Variants in HIPK2 observed in about 807,000 individuals in gnomAD.
HIPK2 encodes the protein homeodomain interacting protein kinase 2, also known as homeodomain-interacting protein kinase 2.
Under a neutral mutation model 113.7 loss-of-function variants are expected in HIPK2, and 27 were observed. The ratio of observed to expected loss-of-function variants is 0.24; its 90% CI spans 0.17 to 0.33. The LOEUF (loss-of-function observed/expected upper bound fraction) is 0.33. HIPK2 is among the 10% of genes least tolerant of loss of function. The pLI is 1.00. For missense variants in HIPK2, 1,257 were observed against 1,588.0 expected (o/e 0.79, Z 3.54); for synonymous variants, 631 against 642.2 (o/e 0.98, Z 0.26).
At chr7:139,670,751 C>CTTTTTTTTTTTTTTTTTTTTTTTTT (rs1802244998) in intron 2 of HIPK2, among the ~76,000 whole-genome samples, 1 of 58,986 alleles carries the variant, frequency 1.7e-5, no homozygotes, top group African/African-American at 5.4e-5. Context: ...TTCTTTCTTT[C>CTTTTTTTTTTTTTTTTTTTTTTTTT]TTTCTTTCTT....
At chr7:139,637,402 C>T (rs1800849404) in intron 2 of HIPK2, among the ~76,000 whole-genome samples, 1 of 152,236 alleles carries the variant, frequency 6.6e-6, no homozygotes, top group Non-Finnish European at 1.5e-5. Flanking sequence ...GTTGCAGGCC[C>T]GTTGGTTTCC....
Position 139,777,741 on chromosome 7 carries a change from A to C in HIPK2, c.-118T>G. 2.2e-6 allele frequency: 2 copies of C among 920,298 alleles called. No homozygotes were observed. The highest frequency in any genetic ancestry group is 2.6e-6 in the Non-Finnish European group (2 of 768,776). 57.0% of individuals were successfully genotyped at this position (920,298 alleles called of 1,614,324 possible). The stretch of plus-strand genomic sequence containing the variant: ...GAGCCTGTGTCTCCGCTCTCGGCGC[A>C]GCCGAGGCCGCCCGCGCCCGCATCA... On this transcript the variant is annotated 5_prime_UTR_variant, in exon 1 of 15. Transcript: ENST00000406875.
At chr7:139,659,154 A>G (rs1051534765) in intron 2 of HIPK2, among the ~76,000 whole-genome samples, 2 of 152,104 alleles carry the variant, frequency 1.3e-5, no homozygotes, top group African/African-American at 4.8e-5. Context: ...GAGGAGCACT[A>G]CCTTAATGAA....
intron 1 of HIPK2, among the ~76,000 whole-genome samples, chr7:139,751,210 C>CTA (rs35932254): frequency 0.37 from 56,823 of 151,888 alleles, 15,323 homozygotes; most frequent in African/African-American, 0.76. Flanking sequence ...TTAAAAAACA[C>CTA]TACAATCAGA....
chr7:139,751,854 T>A (rs1220030777), intron 1 of HIPK2, among the ~76,000 whole-genome samples: 1 of 152,100 alleles, frequency 6.6e-6, no homozygotes, highest in Non-Finnish European at 1.5e-5. Flanking sequence ...GTTGAGAAAT[T>A]CTATGTAAGT....
At chr7:139,620,594 G>A (rs1315012515) in intron 6 of HIPK2, 31 bp from the exon 7 acceptor site, 1 of 1,610,140 alleles carries the variant, frequency 6.2e-7, no homozygotes, top group Non-Finnish European at 8.5e-7. Context: ...GGCATATTGA[G>A]ACATAAGGGG....
At chr7:139,703,574 C>T (rs1794774854) in intron 2 of HIPK2, among the ~76,000 whole-genome samples, 1 of 151,830 alleles carries the variant, frequency 6.6e-6, no homozygotes, top group Admixed American at 6.6e-5. Context: ...TGACACTTCC[C>T]CAGTCATGAG....
intron 1 of HIPK2, among the ~76,000 whole-genome samples, chr7:139,735,503 G>A (rs928237592): frequency 6.6e-6 from 1 of 152,206 alleles, no homozygotes; most frequent in Non-Finnish European, 1.5e-5. Flanking sequence ...GCAGCATCCA[G>A]GAATATCTGC....
At position 139,565,768 on chromosome 7, in the gene HIPK2, C is replaced by A. The variant is rs1798072646; in HGVS notation, c.*7159G>T. On this transcript the variant is annotated 3_prime_UTR_variant, in exon 15 of 15. Coordinates refer to ENST00000406875, the MANE Select transcript of HIPK2 (RefSeq NM_022740.5). ...AGAAAAAAGTTCCTGGACACCAGAC[C>A]CACATATGGTATTTACAAATTTGGT... is the stretch of plus-strand genomic sequence containing the variant. The A allele has an allele frequency of 2.0e-5, 3 of 150,344 alleles. No homozygotes were observed. In the South Asian group the frequency reaches 6.3e-4, roughly 32 times the overall value. 9.3% of individuals were successfully genotyped at this position (150,344 alleles called of 1,614,324 possible).
chr7:139,760,453 T>C (rs1330946302), intron 1 of HIPK2, among the ~76,000 whole-genome samples: 1 of 152,218 alleles, frequency 6.6e-6, no homozygotes, highest in African/African-American at 2.4e-5. Flanking sequence ...AGGAAGAATT[T>C]ATTTTTAGGA....
chr7:139,684,950 A>G (rs1463444306), intron 2 of HIPK2, among the ~76,000 whole-genome samples: 2 of 152,346 alleles, frequency 1.3e-5, no homozygotes, highest in African/African-American at 4.8e-5. Context: ...AATCCAGAAC[A>G]AATCCCTAAC....
intron 2 of HIPK2, among the ~76,000 whole-genome samples, chr7:139,662,406 C>T (rs145206237): frequency 6.6e-6 from 1 of 152,172 alleles, no homozygotes; most frequent in South Asian, 2.1e-4. Flanking sequence ...TTTGGCATGC[C>T]TTTTTCCTCA....
Position 139,631,170 on chromosome 7 carries a change from G to C in HIPK2, c.1342C>G (p.Leu448Val). 13 of 1,612,196 alleles carry C rather than the reference G, an allele frequency of 8.1e-6. No individual in the cohort carries two copies. The highest frequency in any genetic ancestry group is 1.1e-5 in the Non-Finnish European group (13 of 1,179,116). ...GGAGGAGACGCTCTTCCTACCTTCA[G>C]TCTCCACAAAGGATATGGTGAGTCC... ...DTDSPYPLWR[L>V]KTPDDHEAET... Residue 448 changes from leucine (L) to valine (V), a missense_variant, in exon 4 of 15, where the codon CTG becomes GTG. Coordinates refer to ENST00000406875, the MANE Select transcript of HIPK2 (RefSeq NM_022740.5). This position sits in a 1 kb window ranked among gnomAD's most constrained non-coding sequence, Gnocchi z 4.9.
intron 13 of HIPK2, among the ~76,000 whole-genome samples, chr7:139,582,635 A>T (rs1798705966): frequency 6.6e-6 from 1 of 152,252 alleles, no homozygotes; most frequent in African/African-American, 2.4e-5. Context: ...GCTTCGCCGC[A>T]AATGTCGGAA....
At chr7:139,584,163 G>C (rs1243332661) in intron 12 of HIPK2, 99 bp from the exon 13 acceptor site, 7 of 1,471,104 alleles carry the variant, frequency 4.8e-6, no homozygotes, top group Admixed American at 2.2e-5. Flanking sequence ...GAGGCAGAGG[G>C]GAGAGGGCAG....
At chr7:139,659,664 T>C (rs964943870) in intron 2 of HIPK2, among the ~76,000 whole-genome samples, 3 of 152,360 alleles carry the variant, frequency 2.0e-5, no homozygotes, top group Middle Eastern at 3.4e-3. Context: ...CCTTGGCCTA[T>C]GCCTATGCCC....
chr7:139,664,194 A>C (rs1225996695), intron 2 of HIPK2, among the ~76,000 whole-genome samples: 1 of 152,210 alleles, frequency 6.6e-6, no homozygotes, highest in Non-Finnish European at 1.5e-5. Context: ...CTTTGCATTC[A>C]TCTACTTATT....
intron 1 of HIPK2, among the ~76,000 whole-genome samples, chr7:139,759,640 A>C (rs2117137894): frequency 6.6e-6 from 1 of 152,326 alleles, no homozygotes; most frequent in African/African-American, 2.4e-5. Context: ...GAGTTCCAGA[A>C]TGTATTATTA....
intron 9 of HIPK2, among the ~76,000 whole-genome samples, chr7:139,607,620 T>A (rs7778963): frequency 9.9e-5 from 15 of 152,100 alleles, no homozygotes; most frequent in Middle Eastern, 3.4e-3. Flanking sequence ...AAAAGATGTG[T>A]TAGAAAGAAA....
Sources: allele counts gnomAD v4.1 joint callset (sites outside exome capture counted in the v4.1 genomes callset), GRCh38; gene constraint gnomAD v4.1.1; non-coding constraint Gnocchi (gnomAD v3.1); transcripts MANE v1.5; gene names NCBI Gene and HGNC (gene_info 2026-07-23, HGNC 2026-07-21).